The following SULF1 variants were observed in gnomAD, a reference collection of about 807,000 sequenced individuals.
SULF1 encodes the protein sulfatase 1.
SULF1 carries 46 observed loss-of-function variants against 110.5 expected under a neutral mutation model. That is an observed-to-expected ratio of 0.42 (90% confidence interval 0.33 to 0.53). The LOEUF (loss-of-function observed/expected upper bound fraction) is 0.53. Among genes scored for constraint, SULF1 ranks in the 20% least tolerant of loss-of-function variants. The probability of loss-of-function intolerance (pLI) is 0.12; values close to 1 mark genes in which losing one functional copy is unlikely to be tolerated. For missense variants in SULF1, 941 were observed against 1,094.2 expected, an observed-to-expected ratio of 0.86 and a Z score of 1.98; for synonymous variants, 371 against 387.1, an observed-to-expected ratio of 0.96 and a Z score of 0.49.
At chr8:69,620,684 C>T (rs1328367381) in intron 13 of SULF1, among the ~76,000 whole-genome samples, 1 of 152,194 alleles carries the variant, frequency 6.6e-6, no homozygotes, top group Non-Finnish European at 1.5e-5. Flanking sequence ...GAAAGCAGTC[C>T]TGACAGCTGC....
intron 1 of SULF1, among the ~76,000 whole-genome samples, chr8:69,472,013 G>C (rs2150530844): frequency 6.6e-6 from 1 of 152,182 alleles, no homozygotes; most frequent in South Asian, 2.1e-4. Flanking sequence ...GAGAGAGAGA[G>C]AGAGAAGGAG....
intron 8 of SULF1, among the ~76,000 whole-genome samples, chr8:69,593,892 C>T (rs1163591396): frequency 1.3e-5 from 2 of 152,194 alleles, no homozygotes; most frequent in Non-Finnish European, 2.9e-5. Flanking sequence ...TCTCTCTCCT[C>T]GCCTCAGTGA....
chr8:69,545,472 G>A (rs1365362688), intron 3 of SULF1, among the ~76,000 whole-genome samples: 2 of 152,188 alleles, frequency 1.3e-5, no homozygotes, highest in Non-Finnish European at 2.9e-5. Flanking sequence ...AAAATTCAGA[G>A]TCAGGGCATC....
chr8:69,536,558 A>G (rs1813441470), intron 3 of SULF1, among the ~76,000 whole-genome samples: 1 of 152,112 alleles, frequency 6.6e-6, no homozygotes, highest in African/African-American at 2.4e-5. Context: ...ATTTGGTTGG[A>G]GGGATGGTCA....
chr8:69,507,326 C>A (rs115295130), intron 3 of SULF1, among the ~76,000 whole-genome samples: 1 of 152,150 alleles, frequency 6.6e-6, no homozygotes, highest in Non-Finnish European at 1.5e-5. Context: ...TGCCTTGTAT[C>A]GTGCTAGAGA....
At chr8:69,488,066 G>A (rs569884811), upstream of SULF1, among the ~76,000 whole-genome samples, 193 of 152,278 alleles carry the variant, frequency 1.3e-3, no homozygotes, top group African/African-American at 4.4e-3. Flanking sequence ...TAGAAATGCC[G>A]AGGAGAAAAG....
At chr8:69,488,562 CG>C (rs1467269673), upstream of SULF1, among the ~76,000 whole-genome samples, 3 of 151,640 alleles carry the variant, frequency 2.0e-5, no homozygotes. Flanking sequence ...AAAACTCCAA[CG>C]GATGGGCTGT....
chr8:69,552,151 C>T (rs1158652958), intron 3 of SULF1, among the ~76,000 whole-genome samples: 1 of 152,198 alleles, frequency 6.6e-6, no homozygotes, highest in Non-Finnish European at 1.5e-5. Flanking sequence ...GAGTAATTAA[C>T]AAGACCTCTA....
At chr8:69,657,130 G>C (rs1165479056) in intron 22 of SULF1, among the ~76,000 whole-genome samples, 1 of 152,156 alleles carries the variant, frequency 6.6e-6, no homozygotes, top group African/African-American at 2.4e-5. Context: ...TGGTTTAAGA[G>C]AATTCTTTTC....
At chr8:69,524,571 C>T (rs1812534969) in intron 3 of SULF1, among the ~76,000 whole-genome samples, 1 of 152,182 alleles carries the variant, frequency 6.6e-6, no homozygotes, top group Non-Finnish European at 1.5e-5. Context: ...CATGCCCCAC[C>T]TCCAACACAG....
intron 16 of SULF1, 110 bp downstream of exon 16, chr8:69,627,416 T>TGTGTCTGGTGG: frequency 1.4e-6 from 1 of 694,042 alleles, no homozygotes; most frequent in Non-Finnish European, 2.3e-6. Context: ...TATAATTATG[T>TGTGTCTGGTGG]GAAAAAATAC....
intron 3 of SULF1, among the ~76,000 whole-genome samples, chr8:69,521,961 C>T (rs1812334473): frequency 6.6e-6 from 1 of 150,882 alleles, no homozygotes; most frequent in African/African-American, 2.4e-5. Flanking sequence ...GAAGATAGAG[C>T]CAACAGTATT....
At chr8:69,569,480 G>A (rs1250925195) in intron 5 of SULF1, among the ~76,000 whole-genome samples, 1 of 152,194 alleles carries the variant, frequency 6.6e-6, no homozygotes, top group African/African-American at 2.4e-5. Flanking sequence ...GCTGCTCTCG[G>A]ACACTGGGAT....
chr8:69,632,787 G>T (rs1268317394), intron 19 of SULF1, among the ~76,000 whole-genome samples: 1 of 152,134 alleles, frequency 6.6e-6, no homozygotes, highest in East Asian at 1.9e-4. Flanking sequence ...CACTTTGGGA[G>T]GCCAAGGTCA....
chr8:69,525,383 G>A (rs138200002), intron 3 of SULF1, among the ~76,000 whole-genome samples: 18 of 152,240 alleles, frequency 1.2e-4, no homozygotes, highest in Admixed American at 5.9e-4. Context: ...GAATTTCCCT[G>A]GAGTAAGTTT....
At chr8:69,628,354 C>T in intron 18 of SULF1, 118 bp downstream of exon 18, 1 of 817,238 alleles carries the variant, frequency 1.2e-6, no homozygotes, top group Non-Finnish European at 2.0e-6. Flanking sequence ...GAAGTAGATC[C>T]ATCTAGGAGG....
intron 22 of SULF1, among the ~76,000 whole-genome samples, chr8:69,644,283 C>T (rs1483565299): frequency 6.6e-6 from 1 of 152,190 alleles, no homozygotes. Context: ...ATCCCAGCCT[C>T]GCTGGTGGGC....
chr8:69,561,468 T>G (rs989391862), intron 3 of SULF1, among the ~76,000 whole-genome samples: 1 of 152,194 alleles, frequency 6.6e-6, no homozygotes, highest in Non-Finnish European at 1.5e-5. Flanking sequence ...AAGGAAGAAG[T>G]AAAGTAAATA....
At position 69,635,885 on chromosome 8, in the gene SULF1, T is replaced by G. The variant is rs111260019; in HGVS notation, c.2285-2617T>G. ...AAACTGTCTCAAAAAAAAAAAAAAG[T>G]AAACTCTGTAGCCAGATCCCAGTGC... On this transcript the variant is annotated intron_variant, in intron 19 of 22. Coordinates refer to ENST00000402687, the MANE Select transcript of SULF1 (RefSeq NM_001128205.2). Among the ~76,000 whole-genome samples the G allele has an allele frequency of 3.0e-4, 45 of 150,680 alleles. 1 individual carries two copies. The highest frequency in any genetic ancestry group is 1.1e-3 in the African/African-American group (45 of 41,132).
Sources: gnomAD v4.1 joint callset for allele counts (sites outside exome capture counted in the v4.1 genomes callset) on GRCh38, gnomAD v4.1.1 for gene constraint, MANE v1.5 for transcripts, NCBI Gene and HGNC (gene_info 2026-07-23, HGNC 2026-07-21) for gene names.